The following ROBO1 variants were observed in gnomAD, a reference collection of about 807,000 sequenced individuals.
ROBO1 encodes roundabout guidance receptor 1, also known as roundabout homolog 1.
A neutral mutation model predicts 195.9 loss-of-function variants in ROBO1; 149 were observed. That is an observed-to-expected ratio of 0.76 (90% CI 0.67 to 0.87). ROBO1 has a LOEUF of 0.87. Ranked by LOEUF, ROBO1 falls within the 40% of genes least tolerant of loss-of-function variation. The probability of loss-of-function intolerance (pLI) is 0.00; values close to 1 mark genes in which losing one functional copy is unlikely to be tolerated. For synonymous variants in ROBO1, 816 were observed against 733.2 expected (o/e 1.11, Z -1.82); for missense variants, 1,933 against 2,068.3 (o/e 0.93, Z 1.27).
chr3:79,089,939 C>CT (rs1177571028), intron 3 of ROBO1, among the ~76,000 whole-genome samples: 22 of 11,940 alleles, frequency 1.8e-3, no homozygotes, highest in African/African-American at 2.1e-3. Flanking sequence ...GTTATTCTTT[C>CT]TTTTTTTTTT....
chr3:79,493,733 A>G (rs1351420159), intron 2 of ROBO1, among the ~76,000 whole-genome samples: 1 of 152,114 alleles, frequency 6.6e-6, no homozygotes, highest in African/African-American at 2.4e-5. Flanking sequence ...CATTAAGCAT[A>G]CATATTTATG....
intron 3 of ROBO1, among the ~76,000 whole-genome samples, chr3:79,014,686 T>C (rs1409720378): frequency 6.6e-6 from 1 of 152,194 alleles, no homozygotes; most frequent in Non-Finnish European, 1.5e-5. Flanking sequence ...TTTCCTGTAG[T>C]CTATAGATTA....
intron 3 of ROBO1, among the ~76,000 whole-genome samples, chr3:79,029,864 T>C (rs1323572580): frequency 5.3e-5 from 8 of 152,210 alleles, no homozygotes; most frequent in Non-Finnish European, 1.2e-4. Flanking sequence ...TGATCACAAA[T>C]AATTGCTGTA....
At chr3:79,331,137 T>A (rs1287856552) in intron 2 of ROBO1, among the ~76,000 whole-genome samples, 1 of 152,232 alleles carries the variant, frequency 6.6e-6, no homozygotes, top group East Asian at 1.9e-4. Context: ...ATTTTCAAAG[T>A]GTTATGCTTG....
intron 4 of ROBO1, among the ~76,000 whole-genome samples, chr3:78,861,531 C>G (rs2034836960): frequency 6.6e-6 from 1 of 152,164 alleles, no homozygotes; most frequent in South Asian, 2.1e-4. Flanking sequence ...CAAGGTTATA[C>G]AAATTCCCAT....
chr3:78,888,857 T>C (rs2036718979), intron 4 of ROBO1, among the ~76,000 whole-genome samples: 1 of 152,216 alleles, frequency 6.6e-6, no homozygotes, highest in Non-Finnish European at 1.5e-5. Context: ...AGCTATTACA[T>C]TAAGATTGAT....
At chr3:79,666,701 AG>A (rs1946485692) in intron 1 of ROBO1, among the ~76,000 whole-genome samples, 1 of 151,806 alleles carries the variant, frequency 6.6e-6, no homozygotes, top group African/African-American at 2.4e-5. Context: ...CCCAGCCACG[AG>A]GAACTATCTG....
chr3:79,128,590 C>T (rs1424330349), intron 2 of ROBO1, among the ~76,000 whole-genome samples: 1 of 152,034 alleles, frequency 6.6e-6, no homozygotes, highest in African/African-American at 2.4e-5. Context: ...ATTGTACATC[C>T]TATGTCCTCA....
intron 2 of ROBO1, among the ~76,000 whole-genome samples, chr3:79,273,222 C>T (rs148225006): frequency 1.6e-3 from 246 of 151,912 alleles, no homozygotes; most frequent in African/African-American, 2.1e-3. Flanking sequence ...ATATTGTAAC[C>T]GCGGTTGTGG....
intron 11 of ROBO1, among the ~76,000 whole-genome samples, chr3:78,669,026 G>C (rs1707901324): frequency 6.6e-6 from 1 of 152,062 alleles, no homozygotes; most frequent in Non-Finnish European, 1.5e-5. Flanking sequence ...AAAAGGATAG[G>C]CATCATAGAA....
chr3:79,570,426 T>G (rs2107744999), intron 2 of ROBO1, among the ~76,000 whole-genome samples: 1 of 152,246 alleles, frequency 6.6e-6, no homozygotes, highest in Admixed American at 6.5e-5. Flanking sequence ...CATCCTCAAA[T>G]ATTGATTGTC....
intron 4 of ROBO1, among the ~76,000 whole-genome samples, chr3:78,761,985 T>C (rs1459395420): frequency 6.6e-6 from 1 of 152,116 alleles, no homozygotes; most frequent in Non-Finnish European, 1.5e-5. Context: ...TTTAATAATG[T>C]GCATTTGATC....
chr3:79,464,001 C>T (rs545644219), intron 2 of ROBO1, among the ~76,000 whole-genome samples: 37 of 152,218 alleles, frequency 2.4e-4, no homozygotes, highest in South Asian at 8.3e-4. Flanking sequence ...TTGCCTTTTC[C>T]GAACATTTCG....
intron 3 of ROBO1, among the ~76,000 whole-genome samples, chr3:78,939,758 TAATA>T (rs1217936880): frequency 2.6e-5 from 4 of 151,440 alleles, no homozygotes; most frequent in Non-Finnish European, 5.9e-5. Flanking sequence ...GAGTTTTTAT[TAATA>T]AATTAATTTT....
At position 78,630,351 on chromosome 3, in the gene ROBO1, T is replaced by C. The variant is rs1705107613; in HGVS notation, c.3626+810A>G. Among the ~76,000 whole-genome samples the C allele has an allele frequency of 2.0e-5, 3 of 152,182 alleles. No individual in the cohort carries two copies. In the South Asian group the frequency reaches 6.2e-4, roughly 32 times the overall value. The stretch of plus-strand genomic sequence containing the variant: ...AGATTTCCCTGTCAATATTTTTATA[T>C]AAGAATTTTACTTAAAAATGCATTT... On this transcript the variant is annotated intron_variant, in intron 25 of 30. Transcript: ENST00000464233.
chr3:78,600,804 C>T (rs1440365792), intron 29 of ROBO1, among the ~76,000 whole-genome samples: 1 of 152,128 alleles, frequency 6.6e-6, no homozygotes, highest in Non-Finnish European at 1.5e-5. Flanking sequence ...ATCTACATAA[C>T]TTATAAAATG....
At chr3:78,871,257 C>T (rs2035526229) in intron 4 of ROBO1, among the ~76,000 whole-genome samples, 1 of 152,050 alleles carries the variant, frequency 6.6e-6, no homozygotes, top group African/African-American at 2.4e-5. Context: ...CTTTGTAACC[C>T]TACATATGAG....
chr3:79,556,354 T>C (rs80193364), intron 2 of ROBO1, among the ~76,000 whole-genome samples: 194 of 152,210 alleles, frequency 1.3e-3, no homozygotes, highest in African/African-American at 4.4e-3. Flanking sequence ...AGTATATAAA[T>C]AGATCCGCTA....
intron 4 of ROBO1, among the ~76,000 whole-genome samples, chr3:78,926,490 C>A (rs996604819): frequency 6.6e-6 from 1 of 152,052 alleles, no homozygotes; most frequent in African/African-American, 2.4e-5. Context: ...AAGAATCAAT[C>A]GCAGGTTTCT....
Sources: allele counts gnomAD v4.1 joint callset (sites outside exome capture counted in the v4.1 genomes callset), GRCh38; gene constraint gnomAD v4.1.1; transcripts MANE v1.5; gene names NCBI Gene and HGNC (gene_info 2026-07-23, HGNC 2026-07-21).